Variants in C4orf51 observed in about 807,000 individuals in gnomAD.
The protein encoded by C4orf51 is uncharacterized protein C4orf51.
C4orf51 carries 25 observed loss-of-function variants against 25.2 expected under a neutral mutation model. The ratio of observed to expected loss-of-function variants is 0.99; its 90% CI spans 0.72 to 1.39. C4orf51 has a LOEUF of 1.39. C4orf51 is among the 40% of genes most tolerant of loss of function. The probability of loss-of-function intolerance (pLI) is 0.00; values close to 1 mark genes in which losing one functional copy is unlikely to be tolerated. For synonymous variants in C4orf51, 100 were observed against 84.5 expected (o/e 1.18, Z -1.01); for missense variants, 252 against 239.6 (o/e 1.05, Z -0.34).
chr4:145,696,645 T>A lies in C4orf51; in HGVS notation c.307+13T>A. On this transcript the variant is annotated intron_variant, in intron 2 of 5. Coordinates refer to ENST00000438731, the MANE Select transcript of C4orf51 (RefSeq NM_001080531.3). ...ACAGATATCAAAGGTAAGTGCAACA[T>A]GATCAGTTTCTGGGCCCAGCCCTTT... 6.2e-7 allele frequency: 1 copy of A among 1,603,882 alleles called. No homozygotes were observed. The highest frequency in any genetic ancestry group is 8.5e-7 in the Non-Finnish European group (1 of 1,173,390).
At chr4:145,772,138 T>C (rs1736386439), downstream of C4orf51, among the ~76,000 whole-genome samples, 1 of 152,230 alleles carries the variant, frequency 6.6e-6, no homozygotes, top group East Asian at 1.9e-4. Flanking sequence ...GGGCCACATC[T>C]GAATAGTTTT....
At chr4:145,681,261 TA>T in intron 1 of C4orf51, among the ~76,000 whole-genome samples, 1 of 152,248 alleles carries the variant, frequency 6.6e-6, no homozygotes, top group Non-Finnish European at 1.5e-5. Flanking sequence ...ACATATTTGA[TA>T]ATCAGTTGAA....
At chr4:145,775,278 GT>G (rs1736884356), downstream of C4orf51, among the ~76,000 whole-genome samples, 1 of 152,128 alleles carries the variant, frequency 6.6e-6, no homozygotes, top group South Asian at 2.1e-4. Flanking sequence ...AAACTTGGGG[GT>G]TTTATGGCAA....
rs1469570037 is a variant in C4orf51, at chr4:145,729,976, T to C, written c.501+11T>C. 2 of 1,612,524 alleles carry C rather than the reference T, an allele frequency of 1.2e-6. No individual in the cohort carries two copies. The highest frequency in any genetic ancestry group is 1.7e-6 in the Non-Finnish European group (2 of 1,178,676). ...GGTGTCCTAAAGCATGTAAGAATCT[T>C]TTTACTTGCCATGCAACAGTGGATC... On this transcript the variant is annotated intron_variant, in intron 5 of 5. Transcript: ENST00000438731.
chr4:145,769,484 T>TAAA (rs1735920882), intron 1 of C4orf51, among the ~76,000 whole-genome samples: 1 of 152,234 alleles, frequency 6.6e-6, no homozygotes, highest in Non-Finnish European at 1.5e-5. Flanking sequence ...AAACATAGAT[T>TAAA]CAAGTACCCT....
intron 1 of C4orf51, among the ~76,000 whole-genome samples, chr4:145,767,607 G>A (rs1012691249): frequency 2.6e-5 from 4 of 152,170 alleles, no homozygotes; most frequent in Admixed American, 1.3e-4. Context: ...AATCCTGAAA[G>A]TAGCCAGAGG....
intron 2 of C4orf51, among the ~76,000 whole-genome samples, chr4:145,699,574 G>A (rs1231350631): frequency 6.6e-6 from 1 of 151,972 alleles, no homozygotes; most frequent in Non-Finnish European, 1.5e-5. Flanking sequence ...TGTTTTATCC[G>A]TGGACCCAAA....
At chr4:145,756,496 C>CA (rs1479849188), downstream of C4orf51, among the ~76,000 whole-genome samples, 1 of 152,132 alleles carries the variant, frequency 6.6e-6, no homozygotes, top group Non-Finnish European at 1.5e-5. Context: ...GACCATTTCT[C>CA]AAAGTCACTG....
At chr4:145,732,005 G>C (rs953337199) in intron 5 of C4orf51, among the ~76,000 whole-genome samples, 1 of 152,142 alleles carries the variant, frequency 6.6e-6, no homozygotes, top group Admixed American at 6.5e-5. Context: ...AATTTTCAAC[G>C]ATCATTAACA....
intron 2 of C4orf51, among the ~76,000 whole-genome samples, chr4:145,724,322 T>A (rs1460038661): frequency 6.6e-6 from 1 of 152,148 alleles, no homozygotes; most frequent in Non-Finnish European, 1.5e-5. Flanking sequence ...GCTTTTACTG[T>A]GGCTATGAAA....
chr4:145,718,617 A>C (rs1325874519), intron 2 of C4orf51, among the ~76,000 whole-genome samples: 1 of 152,250 alleles, frequency 6.6e-6, no homozygotes, highest in Non-Finnish European at 1.5e-5. Flanking sequence ...GGGACATCTT[A>C]ATGCATAAAC....
At chr4:145,697,812 T>G (rs999875040) in intron 2 of C4orf51, among the ~76,000 whole-genome samples, 1 of 152,256 alleles carries the variant, frequency 6.6e-6, no homozygotes, top group Non-Finnish European at 1.5e-5. Flanking sequence ...AATGCTGTAA[T>G]GAACATGGGA....
chr4:145,782,057 C>A, the C4orf51 span, among the ~76,000 whole-genome samples: 1 of 152,224 alleles, frequency 6.6e-6, no homozygotes, highest in Admixed American at 6.5e-5. Context: ...TCCCCGGAGT[C>A]GCAGTGAGGC....
At chr4:145,681,036 C>G (rs1728808467) in intron 1 of C4orf51, among the ~76,000 whole-genome samples, 1 of 152,074 alleles carries the variant, frequency 6.6e-6, no homozygotes, top group Admixed American at 6.6e-5. Flanking sequence ...AAATAGGTTT[C>G]CTCCAAGCTG....
intron 1 of C4orf51, chr4:145,760,908 T>C (rs1734388286): frequency 3.2e-6 from 4 of 1,233,468 alleles, no homozygotes; most frequent in African/African-American, 1.6e-5. Flanking sequence ...TCTTGGGGTA[T>C]AACATTGTCA....
downstream of C4orf51, chr4:145,754,448 C>A (rs1347528598): frequency 6.6e-6 from 1 of 152,244 alleles, no homozygotes; most frequent in Non-Finnish European, 1.5e-5. Flanking sequence ...TTTGAGGAGG[C>A]TGGAAGCAAT....
At chr4:145,729,320 T>C in intron 4 of C4orf51, 91 bp downstream of exon 4, 2 of 809,534 alleles carry the variant, frequency 2.5e-6, no homozygotes, top group Non-Finnish European at 3.8e-6. Flanking sequence ...TTTTTTTTTT[T>C]TGAGATGGAG....
At chr4:145,759,310 CT>C (rs1453807814), downstream of C4orf51, 15 of 152,112 alleles carry the variant, frequency 9.9e-5, no homozygotes, top group African/African-American at 3.1e-4. Context: ...TCACCCATTA[CT>C]TTTTAAGATT....
chr4:145,770,284 G>A (rs1736042546), intron 1 of C4orf51, among the ~76,000 whole-genome samples: 2 of 151,366 alleles, frequency 1.3e-5, no homozygotes, highest in East Asian at 3.9e-4. Context: ...CGGCAACAGA[G>A]TGAGACCCTG....
Sources: gnomAD v4.1 joint callset for allele counts (sites outside exome capture counted in the v4.1 genomes callset) on GRCh38, gnomAD v4.1.1 for gene constraint, MANE v1.5 for transcripts, NCBI Gene and HGNC (gene_info 2026-07-23, HGNC 2026-07-21) for gene names.